Variants in MB21D2 observed in about 807,000 individuals in gnomAD.
MB21D2 encodes the protein nucleotidyltransferase MB21D2.
In MB21D2, 9 loss-of-function variants were observed where a neutral mutation model predicts 33.3. The ratio of observed to expected loss-of-function variants is 0.27; its 90% CI spans 0.16 to 0.47. The LOEUF (loss-of-function observed/expected upper bound fraction) is 0.47, where lower values mean the gene tolerates loss of function less well. Among genes scored for constraint, MB21D2 ranks in the 20% least tolerant of loss-of-function variants. MB21D2 has a pLI of 0.99. For synonymous variants in MB21D2, 241 were observed against 236.3 expected (o/e 1.02, Z -0.18); for missense variants, 540 against 624.6 (o/e 0.86, Z 1.44).
rs571245790 is a variant in MB21D2, at chr3:192,904,679, T to G, written c.211+12951A>C. 2.4e-4 allele frequency among the ~76,000 whole-genome samples: 36 copies of G among 152,276 alleles called. 1 individual carries two copies. The South Asian group carries it at 6.8e-3, about 29-fold the overall frequency. On this transcript the variant is annotated intron_variant, in intron 1 of 1. Transcript: ENST00000392452. ...ATCTGTGTTTCAACAAGCAGGACAC[T>G]GATACACACTGAAGTTCCAGAACCA...
intron 1 of MB21D2, among the ~76,000 whole-genome samples, chr3:192,839,678 A>T (rs1712526705): frequency 1.3e-5 from 2 of 152,232 alleles, no homozygotes; most frequent in South Asian, 4.1e-4. Flanking sequence ...CAAACTAGCA[A>T]GACAGAATTC....
intron 1 of MB21D2, among the ~76,000 whole-genome samples, chr3:192,890,096 G>C (rs79570197): frequency 2.6e-4 from 40 of 152,138 alleles, no homozygotes; most frequent in African/African-American, 9.2e-4. Flanking sequence ...CAAGAACCAA[G>C]AGCAACCTTT....
At chr3:192,844,979 C>A (rs1025498186) in intron 1 of MB21D2, among the ~76,000 whole-genome samples, 1 of 152,310 alleles carries the variant, frequency 6.6e-6, no homozygotes, top group East Asian at 1.9e-4. Flanking sequence ...CTGCCCCTTT[C>A]GTTCCCACTT....
At chr3:192,878,081 CTTTTTTTTTT>C (rs11294126) in intron 1 of MB21D2, among the ~76,000 whole-genome samples, 2 of 119,534 alleles carry the variant, frequency 1.7e-5, no homozygotes, top group Admixed American at 9.6e-5. Context: ...AATTCCTCCT[CTTTTTTTTTT>C]TTTTTTTTTT....
chr3:192,857,251 T>C (rs1389320920), intron 1 of MB21D2, among the ~76,000 whole-genome samples: 2 of 152,198 alleles, frequency 1.3e-5, no homozygotes, highest in Admixed American at 1.3e-4. Context: ...GTCTCGGCAA[T>C]TTGTGGGAGA....
chr3:192,807,814 T>C (rs1711699638), intron 1 of MB21D2, among the ~76,000 whole-genome samples: 1 of 152,174 alleles, frequency 6.6e-6, no homozygotes, highest in Non-Finnish European at 1.5e-5. Flanking sequence ...CCCCACTGCA[T>C]AATGCTGATG....
At chr3:192,914,880 A>C (rs1714428939) in intron 1 of MB21D2, among the ~76,000 whole-genome samples, 4 of 152,194 alleles carry the variant, frequency 2.6e-5, no homozygotes, top group Admixed American at 2.6e-4. Context: ...ACAGCTGTCT[A>C]CCACCTCCTT....
chr3:192,886,500 C>T (rs567762785), intron 1 of MB21D2, among the ~76,000 whole-genome samples: 5 of 152,216 alleles, frequency 3.3e-5, no homozygotes, highest in African/African-American at 1.2e-4. Context: ...ACATTTCCTT[C>T]GGGCTTTTGA....
intron 1 of MB21D2, among the ~76,000 whole-genome samples, chr3:192,832,519 C>T (rs1025406410): frequency 4.6e-5 from 7 of 152,162 alleles, no homozygotes; most frequent in African/African-American, 1.4e-4. Context: ...TCGCCAGGTG[C>T]GGTGGGTCAC....
chr3:192,804,606 T>C (rs528606635), intron 1 of MB21D2, among the ~76,000 whole-genome samples: 2 of 152,344 alleles, frequency 1.3e-5, no homozygotes, highest in Middle Eastern at 3.4e-3. Context: ...CATTGTTTCA[T>C]ATAAAAGAGT....
At chr3:192,859,212 CT>C (rs914285379) in intron 1 of MB21D2, among the ~76,000 whole-genome samples, 2 of 152,112 alleles carry the variant, frequency 1.3e-5, no homozygotes, top group South Asian at 2.1e-4. Context: ...CAAAACAAGC[CT>C]GATAAAAATA....
intron 1 of MB21D2, among the ~76,000 whole-genome samples, chr3:192,880,130 A>T (rs143950764): frequency 3.6e-3 from 553 of 152,170 alleles, no homozygotes; most frequent in Middle Eastern, 0.01. Flanking sequence ...AGATCACAAG[A>T]TCAGGAGTTT....
intron 1 of MB21D2, among the ~76,000 whole-genome samples, chr3:192,816,320 A>G (rs79712032): frequency 0.011 from 1,664 of 152,304 alleles, 12 homozygotes; most frequent in Non-Finnish European, 0.018. Flanking sequence ...GATAGTGACA[A>G]AAATGACATT....
intron 1 of MB21D2, among the ~76,000 whole-genome samples, chr3:192,857,643 GA>G (rs998105024): frequency 5.0e-4 from 72 of 144,828 alleles, no homozygotes; most frequent in African/African-American, 7.1e-4. Flanking sequence ...AGGCTAAAGA[GA>G]AAAAAAAAAA....
intron 1 of MB21D2, among the ~76,000 whole-genome samples, chr3:192,913,469 A>T (rs375918052): frequency 9.8e-5 from 15 of 152,342 alleles, no homozygotes; most frequent in African/African-American, 3.4e-4. Flanking sequence ...TTAGCAAAGT[A>T]ATTTCACATT....
chr3:192,811,789 G>T (rs1711792812), intron 1 of MB21D2, among the ~76,000 whole-genome samples: 1 of 151,860 alleles, frequency 6.6e-6, no homozygotes, highest in African/African-American at 2.4e-5. Context: ...GGTTGGGGAG[G>T]GTGGATTAAA....
chr3:192,909,863 C>T (rs1161358054), intron 1 of MB21D2, among the ~76,000 whole-genome samples: 4 of 130,726 alleles, frequency 3.1e-5, no homozygotes, highest in African/African-American at 1.2e-4. Context: ...ACCCGGGAAG[C>T]GGAGGTTGCA....
At position 192,819,315 on chromosome 3, in the gene MB21D2, C is replaced by T. The variant is rs562243527; in HGVS notation, c.212-19665G>A. On this transcript the variant is annotated intron_variant, in intron 1 of 1. Coordinates refer to ENST00000392452, the MANE Select transcript of MB21D2 (RefSeq NM_178496.4). ...GCTCAGTGGTGAAGGGGTTTGCCCA[C>T]GGTGACTAACACAGGGTTGCCTGAA... 7.2e-5 allele frequency among the ~76,000 whole-genome samples: 11 copies of T among 152,314 alleles called. 1 individual carries two copies. In the East Asian group the frequency reaches 9.6e-4, roughly 13 times the overall value.
intron 1 of MB21D2, among the ~76,000 whole-genome samples, chr3:192,819,120 C>A (rs139584125): frequency 6.6e-6 from 1 of 152,054 alleles, no homozygotes; most frequent in Non-Finnish European, 1.5e-5. Flanking sequence ...ATGCTAGATC[C>A]CAGGGCTCCT....
Sources: allele counts gnomAD v4.1 joint callset (sites outside exome capture counted in the v4.1 genomes callset), GRCh38; gene constraint gnomAD v4.1.1; transcripts MANE v1.5; gene names NCBI Gene and HGNC (gene_info 2026-07-23, HGNC 2026-07-21).